UNC5C: variants seen among roughly 807,000 people sequenced by gnomAD.
UNC5C encodes unc-5 netrin receptor C.
A neutral mutation model predicts 99.8 loss-of-function variants in UNC5C; 47 were observed. The observed-to-expected ratio is 0.47, with a 90% CI of 0.37 to 0.60. The LOEUF is 0.60. Ranked by LOEUF, UNC5C falls within the 20% of genes least tolerant of loss-of-function variation. The pLI, the probability that UNC5C is intolerant of heterozygous loss-of-function variation, is 0.00. For missense variants in UNC5C, 1,062 were observed against 1,165.9 expected (o/e 0.91, Z 1.30); for synonymous variants, 487 against 452.2 (o/e 1.08, Z -0.98).
intron 1 of UNC5C, among the ~76,000 whole-genome samples, chr4:95,422,567 A>G (rs1746353334): frequency 6.6e-6 from 1 of 151,308 alleles, no homozygotes; most frequent in South Asian, 2.1e-4. Context: ...TTTTTTTCCA[A>G]AGAATGTTTT....
intron 3 of UNC5C, among the ~76,000 whole-genome samples, chr4:95,295,021 CA>C (rs1283698075): frequency 1.3e-5 from 2 of 152,164 alleles, no homozygotes; most frequent in Non-Finnish European, 2.9e-5. Context: ...TGCTATTAAC[CA>C]GTCTCCTATG....
intron 1 of UNC5C, among the ~76,000 whole-genome samples, chr4:95,518,253 AAT>A (rs1392663476): frequency 6.6e-6 from 1 of 152,126 alleles, no homozygotes; most frequent in African/African-American, 2.4e-5. Flanking sequence ...ACTCCAAATA[AAT>A]CATGGACTAT....
intron 12 of UNC5C, among the ~76,000 whole-genome samples, chr4:95,191,580 T>G (rs1737094820): frequency 6.6e-6 from 1 of 150,654 alleles, no homozygotes; most frequent in South Asian, 2.1e-4. Context: ...TCCTCCTCTA[T>G]TCACCTTTCT....
chr4:95,205,050 G>T (rs77000742), intron 11 of UNC5C, among the ~76,000 whole-genome samples: 1 of 152,270 alleles, frequency 6.6e-6, no homozygotes, highest in East Asian at 1.9e-4. Context: ...ACAAAGGAAA[G>T]CCTCCGGTAT....
chr4:95,463,458 A>G (rs6819281), intron 1 of UNC5C, among the ~76,000 whole-genome samples: 1 of 152,064 alleles, frequency 6.6e-6, no homozygotes, highest in African/African-American at 2.4e-5. Flanking sequence ...CAGAGTCCAA[A>G]CCATGAGGCA....
At chr4:95,523,447 C>T (rs1489224304) in intron 1 of UNC5C, among the ~76,000 whole-genome samples, 1 of 152,076 alleles carries the variant, frequency 6.6e-6, no homozygotes, top group Non-Finnish European at 1.5e-5. Flanking sequence ...ATCATCTCTG[C>T]ACGTAGCAGA....
At chr4:95,324,255 C>T (rs186342261) in intron 2 of UNC5C, among the ~76,000 whole-genome samples, 1 of 152,170 alleles carries the variant, frequency 6.6e-6, no homozygotes, top group Admixed American at 6.5e-5. Flanking sequence ...GGAGCACAAA[C>T]CATATTGTGA....
chr4:95,447,526 A>C (rs903865418), intron 1 of UNC5C, among the ~76,000 whole-genome samples: 7 of 152,202 alleles, frequency 4.6e-5, no homozygotes, highest in Non-Finnish European at 7.3e-5. Context: ...TTTGAGACGA[A>C]GTCTCACTCT....
intron 14 of UNC5C, among the ~76,000 whole-genome samples, chr4:95,174,581 A>G (rs1736258466): frequency 6.6e-6 from 1 of 151,890 alleles, no homozygotes; most frequent in African/African-American, 2.4e-5. Flanking sequence ...CCTGAGTTCT[A>G]GTTTGATTGC....
At chr4:95,386,758 A>T (rs1419409078) in intron 1 of UNC5C, among the ~76,000 whole-genome samples, 26 of 152,164 alleles carry the variant, frequency 1.7e-4, no homozygotes, top group Non-Finnish European at 1.5e-5. Flanking sequence ...GGAAGAACGA[A>T]TGCTGGAGCT....
intron 2 of UNC5C, among the ~76,000 whole-genome samples, chr4:95,332,073 A>T (rs1417510073): frequency 6.6e-6 from 1 of 152,184 alleles, no homozygotes; most frequent in Admixed American, 6.6e-5. Flanking sequence ...ATAAAAGAGG[A>T]TACAAACAAA....
At chr4:95,317,280 T>C (rs17368012) in intron 2 of UNC5C, among the ~76,000 whole-genome samples, 3,025 of 152,246 alleles carry the variant, frequency 0.02, 39 homozygotes, top group Middle Eastern at 0.031. Flanking sequence ...GGAAAAGGCA[T>C]AATGGCTGTT....
chr4:95,534,661 T>C (rs1441175523), intron 1 of UNC5C, among the ~76,000 whole-genome samples: 1 of 152,154 alleles, frequency 6.6e-6, no homozygotes, highest in African/African-American at 2.4e-5. Flanking sequence ...TTAACACATA[T>C]ATGCTTGTTA....
chr4:95,258,009 A>G (rs932427677), intron 4 of UNC5C, among the ~76,000 whole-genome samples: 2 of 152,250 alleles, frequency 1.3e-5, no homozygotes, highest in African/African-American at 2.4e-5. Context: ...GCAAATCAAT[A>G]TAAGAGCCAT....
In UNC5C at chr4:95,165,157, TTTCAGA is replaced by T. The variant is rs1489884346; in HGVS notation, c.*4071_*4076del. 3.3e-5 allele frequency: 5 copies of T among 152,304 alleles called. No homozygotes were observed. Among genetic ancestry groups the T allele is most frequent in the African/African-American group, 1.2e-4 (5 of 41,558 alleles). 9.4% of individuals were successfully genotyped at this position (152,304 alleles called of 1,614,324 possible). The stretch of plus-strand genomic sequence containing the variant: ...TGATTCCACCCTCAAAACGTTGACT[TTTCAGA>T]TACCTTACTTGTAGGAAAAAATACC... On this transcript the variant is annotated 3_prime_UTR_variant, in exon 16 of 16. Transcript: ENST00000453304.
intron 3 of UNC5C, among the ~76,000 whole-genome samples, chr4:95,282,024 A>G (rs147728661): frequency 6.6e-6 from 1 of 152,260 alleles, no homozygotes; most frequent in Non-Finnish European, 1.5e-5. Context: ...TGAGAACCAC[A>G]GGTCTAGGGC....
rs572536690 is a variant in UNC5C at position 95,345,386 on chromosome 4, T to G, written c.125-9755A>C. Among the ~76,000 whole-genome samples, 4 of 151,908 alleles carry G rather than the reference T, an allele frequency of 2.6e-5. No individual in the cohort carries two copies. In the East Asian group the frequency reaches 7.8e-4, roughly 30 times the overall value. ...CAAATATTAGAGCTAAAGAGAGAGA[T>G]AGACCTCAATACAGTTAAAGCTGGA... On this transcript the variant is annotated intron_variant, in intron 1 of 15. Coordinates refer to ENST00000453304, the MANE Select transcript of UNC5C (RefSeq NM_003728.4).
chr4:95,347,610 T>C (rs1258125446), intron 1 of UNC5C, among the ~76,000 whole-genome samples: 1 of 152,042 alleles, frequency 6.6e-6, no homozygotes, highest in Non-Finnish European at 1.5e-5. Flanking sequence ...TTCATACACC[T>C]ACAGTGAATT....
At chr4:95,524,382 C>T (rs570084343) in intron 1 of UNC5C, among the ~76,000 whole-genome samples, 72 of 152,158 alleles carry the variant, frequency 4.7e-4, no homozygotes, top group African/African-American at 1.6e-3. Context: ...GCAACAGGGG[C>T]GATTATTATT....
Sources: gnomAD v4.1 joint callset for allele counts (sites outside exome capture counted in the v4.1 genomes callset) on GRCh38, gnomAD v4.1.1 for gene constraint, MANE v1.5 for transcripts, NCBI Gene and HGNC (gene_info 2026-07-23, HGNC 2026-07-21) for gene names.